Variants in FAM219A observed in about 807,000 individuals in gnomAD.
FAM219A encodes family with sequence similarity 219 member A, also known as protein FAM219A.
FAM219A carries 7 observed loss-of-function variants against 23.4 expected under a neutral mutation model. The observed-to-expected ratio is 0.30, with a 90% CI of 0.17 to 0.56. FAM219A has a LOEUF of 0.56. Ranked by LOEUF, FAM219A falls within the 20% of genes least tolerant of loss-of-function variation. The pLI, the probability that FAM219A is intolerant of heterozygous loss-of-function variation, is 0.92. For synonymous variants in FAM219A, 93 were observed against 99.0 expected (o/e 0.94, Z 0.36); for missense variants, 166 against 246.9 (o/e 0.67, Z 2.20).
chr9:34,414,811 T>G (rs1478784603), intron 1 of FAM219A, among the ~76,000 whole-genome samples: 1 of 152,214 alleles, frequency 6.6e-6, no homozygotes, highest in East Asian at 1.9e-4. Context: ...CTTCTAAGTT[T>G]TTCTCTAAAA....
At chr9:34,444,442 C>T (rs1456467111) in intron 1 of FAM219A, among the ~76,000 whole-genome samples, 1 of 152,172 alleles carries the variant, frequency 6.6e-6, no homozygotes, top group African/African-American at 2.4e-5. Context: ...AGGAGCTCTT[C>T]ATCAGCAAAA....
At chr9:34,404,029 A>ACAAT (rs1224010332) in intron 2 of FAM219A, among the ~76,000 whole-genome samples, 2 of 152,206 alleles carry the variant, frequency 1.3e-5, no homozygotes, top group Non-Finnish European at 2.9e-5. Context: ...TGCAACTGGG[A>ACAAT]CAATGCTGTG....
At chr9:34,426,910 T>C (rs1167630409) in intron 1 of FAM219A, among the ~76,000 whole-genome samples, 2 of 151,606 alleles carry the variant, frequency 1.3e-5, no homozygotes, top group African/African-American at 4.8e-5. Flanking sequence ...CCCCTGCTGC[T>C]AGGAAGATGG....
chr9:34,427,739 G>A (rs1395709420), intron 1 of FAM219A, among the ~76,000 whole-genome samples: 1 of 152,174 alleles, frequency 6.6e-6, no homozygotes, highest in Non-Finnish European at 1.5e-5. Context: ...CTTGTCTAAT[G>A]GTGTCCCACA....
chr9:34,423,967 G>A (rs1822369612), intron 1 of FAM219A, among the ~76,000 whole-genome samples: 1 of 152,152 alleles, frequency 6.6e-6, no homozygotes, highest in Non-Finnish European at 1.5e-5. Flanking sequence ...GTTTTGTTTT[G>A]TGTGTAAATA....
intron 2 of FAM219A, among the ~76,000 whole-genome samples, chr9:34,405,253 A>T (rs951466588): frequency 2.6e-5 from 4 of 152,224 alleles, no homozygotes; most frequent in Admixed American, 2.0e-4. Flanking sequence ...AGCTGTGGAC[A>T]GTGGCCAGAA....
At chr9:34,416,665 G>A in intron 1 of FAM219A, among the ~76,000 whole-genome samples, 1 of 151,706 alleles carries the variant, frequency 6.6e-6, no homozygotes, top group East Asian at 1.9e-4. Flanking sequence ...TTGAACCTGG[G>A]AGGTAGAGGT....
At chr9:34,432,793 C>T (rs1410260181) in intron 1 of FAM219A, among the ~76,000 whole-genome samples, 6 of 152,162 alleles carry the variant, frequency 3.9e-5, no homozygotes, top group African/African-American at 1.4e-4. Flanking sequence ...AAAACACTTT[C>T]CCAGTAAATA....
chr9:34,438,704 C>T (rs990426336), intron 1 of FAM219A, among the ~76,000 whole-genome samples: 1 of 152,166 alleles, frequency 6.6e-6, no homozygotes, highest in Admixed American at 6.5e-5. Context: ...CTGGTGGAGC[C>T]TTGGAGAACC....
Position 34,400,843 on chromosome 9 carries a change from G to C in FAM219A, c.*121C>G. 1.0e-6 allele frequency: 1 copy of C among 1,002,920 alleles called. No individual in the cohort carries two copies. The highest frequency in any genetic ancestry group is 3.3e-5 in the Admixed American group (1 of 30,518). The allele number at this position is 1,002,920 out of a possible 1,614,324, so 62.1% of individuals were successfully genotyped here. A position where few individuals can be genotyped will look rare whatever the true frequency, so the allele number is the denominator to read the frequency against. Reference sequence around the variant, plus strand: ...GGAGGAAGCAATGACTGTTATACGAGGTTGGCGGCTGTAGGGGCGCGGGGC... The same window carrying C: ...GGAGGAAGCAATGACTGTTATACGACGTTGGCGGCTGTAGGGGCGCGGGGC... On this transcript the variant is annotated 3_prime_UTR_variant, in exon 6 of 6. Transcript: ENST00000651358.
intron 1 of FAM219A, among the ~76,000 whole-genome samples, chr9:34,424,392 G>T (rs926028011): frequency 1.3e-5 from 2 of 152,052 alleles, no homozygotes; most frequent in Non-Finnish European, 2.9e-5. Flanking sequence ...TAGTAGAAAA[G>T]TCCAGTCACG....
At chr9:34,450,228 G>A (rs1051203822) in intron 1 of FAM219A, among the ~76,000 whole-genome samples, 9 of 151,428 alleles carry the variant, frequency 5.9e-5, no homozygotes, top group Admixed American at 1.3e-4. Flanking sequence ...CAGGAGGATC[G>A]CTTGAGCCTG....
chr9:34,434,713 G>T (rs1822838797), intron 1 of FAM219A, among the ~76,000 whole-genome samples: 1 of 152,232 alleles, frequency 6.6e-6, no homozygotes, highest in African/African-American at 2.4e-5. Flanking sequence ...GAGTAAATTT[G>T]TCCCCTTGCT....
chr9:34,433,079 A>C (rs1822773941), intron 1 of FAM219A, among the ~76,000 whole-genome samples: 1 of 152,246 alleles, frequency 6.6e-6, no homozygotes, highest in South Asian at 2.1e-4. Context: ...TATATAAAAA[A>C]TTGGAATCCT....
intron 1 of FAM219A, among the ~76,000 whole-genome samples, chr9:34,445,917 G>A (rs752266524): frequency 2.6e-5 from 4 of 152,220 alleles, no homozygotes; most frequent in Non-Finnish European, 5.9e-5. Flanking sequence ...GCTCATGCCT[G>A]TAATCCCAGC....
At chr9:34,454,290 G>T (rs1034751233) in intron 1 of FAM219A, among the ~76,000 whole-genome samples, 1 of 152,206 alleles carries the variant, frequency 6.6e-6, no homozygotes, top group South Asian at 2.1e-4. Flanking sequence ...ACAAAAATTA[G>T]CTGGGCGTGG....
intron 1 of FAM219A, among the ~76,000 whole-genome samples, chr9:34,456,919 T>C (rs529634699): frequency 1.3e-5 from 2 of 152,334 alleles, no homozygotes; most frequent in East Asian, 3.9e-4. Context: ...AAGGTGGTGA[T>C]GGGTCCCTGC....
At chr9:34,454,150 A>T (rs1823653133) in intron 1 of FAM219A, among the ~76,000 whole-genome samples, 2 of 152,212 alleles carry the variant, frequency 1.3e-5, no homozygotes, top group South Asian at 2.1e-4. Context: ...TCATAAGAAG[A>T]CAGGAGGCCA....
chr9:34,427,432 G>C (rs1588053826), intron 1 of FAM219A, among the ~76,000 whole-genome samples: 1 of 152,136 alleles, frequency 6.6e-6, no homozygotes, highest in East Asian at 1.9e-4. Context: ...ATAAATGCCA[G>C]GCTCAGTTAG....
Sources: allele counts gnomAD v4.1 joint callset (sites outside exome capture counted in the v4.1 genomes callset), GRCh38; gene constraint gnomAD v4.1.1; transcripts MANE v1.5; gene names NCBI Gene and HGNC (gene_info 2026-07-23, HGNC 2026-07-21).